Variants in BICD1 observed in about 807,000 individuals in gnomAD.
BICD1 encodes protein bicaudal D homolog 1.
BICD1 carries 35 observed loss-of-function variants against 92.5 expected under a neutral mutation model. The observed-to-expected ratio is 0.38, with a 90% CI of 0.29 to 0.50. The LOEUF (loss-of-function observed/expected upper bound fraction) is 0.50. Ranked by LOEUF, BICD1 falls within the 20% of genes least tolerant of loss-of-function variation. The pLI, the probability that BICD1 is intolerant of heterozygous loss-of-function variation, is 0.93. For synonymous variants in BICD1, 429 were observed against 465.1 expected (o/e 0.92, Z 1.00); for missense variants, 950 against 1,189.8 (o/e 0.80, Z 2.97).
intron 2 of BICD1, among the ~76,000 whole-genome samples, chr12:32,226,897 A>T (rs1015165522): frequency 6.6e-6 from 1 of 152,160 alleles, no homozygotes. Flanking sequence ...CTGGGGCTGG[A>T]GCCTGGCGGG....
At chr12:32,239,219 C>T (rs1241091035) in intron 2 of BICD1, among the ~76,000 whole-genome samples, 1 of 134,258 alleles carries the variant, frequency 7.4e-6, no homozygotes, top group African/African-American at 2.8e-5. Flanking sequence ...TGCACTGTAG[C>T]CTGGGTGACA....
chr12:32,224,978 C>T (rs1945638058), intron 2 of BICD1, among the ~76,000 whole-genome samples: 1 of 152,226 alleles, frequency 6.6e-6, no homozygotes, highest in East Asian at 1.9e-4. Context: ...AAGTGTGAGT[C>T]ACTGCGCCTG....
intron 4 of BICD1, among the ~76,000 whole-genome samples, chr12:32,311,387 T>C (rs552694732): frequency 6.6e-6 from 1 of 152,182 alleles, no homozygotes; most frequent in East Asian, 1.9e-4. Context: ...TAGTCCCAGC[T>C]ACTTGGGAGG....
chr12:32,272,956 T>G (rs544576931), intron 2 of BICD1, among the ~76,000 whole-genome samples: 1 of 152,344 alleles, frequency 6.6e-6, no homozygotes, highest in African/African-American at 2.4e-5. Flanking sequence ...GTTTTAAAAG[T>G]CTATCTGCAA....
chr12:32,168,502 T>C (rs191475332), intron 1 of BICD1, among the ~76,000 whole-genome samples: 1 of 152,174 alleles, frequency 6.6e-6, no homozygotes, highest in East Asian at 1.9e-4. Flanking sequence ...GTCCTTGAGA[T>C]TGAGGTGAGA....
chr12:32,368,437 G>T (rs760624269), intron 9 of BICD1, among the ~76,000 whole-genome samples: 11 of 152,164 alleles, frequency 7.2e-5, no homozygotes, highest in Admixed American at 3.9e-4. Flanking sequence ...GCTCACACCC[G>T]TAATCCCAGC....
At chr12:32,282,202 CTTTTTTTTT>C (rs56217529) in intron 2 of BICD1, among the ~76,000 whole-genome samples, 50 of 94,236 alleles carry the variant, frequency 5.3e-4, no homozygotes, top group African/African-American at 1.8e-3. Flanking sequence ...AGGTCTTCTT[CTTTTTTTTT>C]TTTTTTTTTT....
chr12:32,231,773 T>G (rs1945899328), intron 2 of BICD1, among the ~76,000 whole-genome samples: 2 of 126,660 alleles, frequency 1.6e-5, no homozygotes, highest in Middle Eastern at 4.1e-3. Context: ...CAGAGTGGGG[T>G]TCCCCTTCCT....
At chr12:32,272,683 G>A (rs1017275357) in intron 2 of BICD1, among the ~76,000 whole-genome samples, 1 of 152,128 alleles carries the variant, frequency 6.6e-6, no homozygotes, top group Non-Finnish European at 1.5e-5. Context: ...AAAGTTAGCT[G>A]GGCGTGGTGA....
At chr12:32,248,421 T>C (rs1221119931) in intron 2 of BICD1, among the ~76,000 whole-genome samples, 1 of 152,152 alleles carries the variant, frequency 6.6e-6, no homozygotes, top group Non-Finnish European at 1.5e-5. Context: ...TTTGTTTTGT[T>C]GTTGGTTTCT....
intron 2 of BICD1, among the ~76,000 whole-genome samples, chr12:32,271,939 C>G (rs749364920): frequency 2.0e-5 from 3 of 152,148 alleles, no homozygotes; most frequent in Non-Finnish European, 4.4e-5. Flanking sequence ...TGGGTCAAAA[C>G]CTACATCTCT....
intron 8 of BICD1, among the ~76,000 whole-genome samples, chr12:32,342,328 C>T (rs1246395569): frequency 6.7e-6 from 1 of 149,684 alleles, no homozygotes; most frequent in Non-Finnish European, 1.5e-5. Flanking sequence ...AACCTTGGCT[C>T]ACTGCAAGCT....
intron 1 of BICD1, among the ~76,000 whole-genome samples, chr12:32,188,592 G>A (rs1275180999): frequency 1.3e-5 from 2 of 152,236 alleles, no homozygotes; most frequent in Admixed American, 1.3e-4. Flanking sequence ...AGTTTGAAGA[G>A]AGACAGAGTA....
chr12:32,120,182 AT>A (rs1166618949), intron 1 of BICD1, among the ~76,000 whole-genome samples: 4 of 152,004 alleles, frequency 2.6e-5, no homozygotes, highest in African/African-American at 7.2e-5. Flanking sequence ...TTTAAAAAGA[AT>A]TTTTTTTGAG....
chr12:32,217,902 C>T (rs185873229), intron 2 of BICD1, among the ~76,000 whole-genome samples: 279 of 152,332 alleles, frequency 1.8e-3, no homozygotes, highest in African/African-American at 6.0e-3. Flanking sequence ...GCAGCAGGGT[C>T]ATGTGCAAGT....
rs1940244443 is a variant in BICD1 at position 32,383,191 on chromosome 12, A to C, written c.*5564A>C. The C allele has an allele frequency of 6.6e-6, 1 of 152,122 alleles. No homozygotes were observed. The highest frequency in any genetic ancestry group is 2.1e-4 in the South Asian group (1 of 4,830). 9.4% of individuals were successfully genotyped at this position (152,122 alleles called of 1,614,324 possible). ...TTCAACTGTTCCTACATTTAATTGC[A>C]GTTTAATTATTATGCCTTTTGGGGT... is the stretch of plus-strand genomic sequence containing the variant. On this transcript the variant is annotated 3_prime_UTR_variant, in exon 10 of 10. Transcript: ENST00000652176.
At chr12:32,307,025 AG>A (rs1013999667) in intron 4 of BICD1, among the ~76,000 whole-genome samples, 5 of 152,090 alleles carry the variant, frequency 3.3e-5, no homozygotes, top group African/African-American at 1.2e-4. Flanking sequence ...CAAAAAAAAA[AG>A]AAAAAGAAAA....
chr12:32,310,901 C>T (rs1437790492), intron 4 of BICD1, among the ~76,000 whole-genome samples: 1 of 152,108 alleles, frequency 6.6e-6, no homozygotes, highest in African/African-American at 2.4e-5. Context: ...AAACAGTATA[C>T]CTAGTCCATA....
At chr12:32,227,921 C>T (rs1945752579) in intron 2 of BICD1, 1 of 167,100 alleles carries the variant, frequency 6.0e-6, no homozygotes, top group Admixed American at 6.2e-5. Context: ...GTTGATCTCA[C>T]AGTCCTTCAT....
Sources: gnomAD v4.1 joint callset for allele counts (sites outside exome capture counted in the v4.1 genomes callset) on GRCh38, gnomAD v4.1.1 for gene constraint, MANE v1.5 for transcripts, NCBI Gene and HGNC (gene_info 2026-07-23, HGNC 2026-07-21) for gene names.